Variants in IQCM observed in about 807,000 individuals in gnomAD.
The protein encoded by IQCM is IQ domain-containing protein M.
Under a neutral mutation model 57.6 loss-of-function variants are expected in IQCM, and 45 were observed. The ratio of observed to expected loss-of-function variants is 0.78; its 90% CI spans 0.62 to 1.00. IQCM has a LOEUF of 1.00. Ranked by LOEUF, IQCM falls within the 50% of genes least tolerant of loss-of-function variation. The pLI is 0.00. For synonymous variants in IQCM, 148 were observed against 158.9 expected, an observed-to-expected ratio of 0.93 and a Z score of 0.51; for missense variants, 468 against 511.6, an observed-to-expected ratio of 0.91 and a Z score of 0.82.
At chr4:149,460,243 A>G (rs959329272) in intron 12 of IQCM, among the ~76,000 whole-genome samples, 19 of 151,858 alleles carry the variant, frequency 1.3e-4, no homozygotes, top group African/African-American at 3.9e-4. Context: ...TAATCCAGTC[A>G]TTTTTCCATT....
intron 13 of IQCM, among the ~76,000 whole-genome samples, chr4:149,424,781 T>C (rs1437395191): frequency 6.6e-6 from 1 of 152,000 alleles, no homozygotes; most frequent in African/African-American, 2.4e-5. Context: ...ACATTTGCAT[T>C]GTTTCAACAT....
chr4:149,799,679 A>G (rs762348079), intron 2 of IQCM, among the ~76,000 whole-genome samples: 9 of 151,810 alleles, frequency 5.9e-5, no homozygotes, highest in Non-Finnish European at 1.2e-4. Flanking sequence ...TCAAAGGATC[A>G]TCAGTGGCTA....
intron 7 of IQCM, among the ~76,000 whole-genome samples, chr4:149,665,527 A>T (rs1199640788): frequency 6.6e-6 from 1 of 151,948 alleles, no homozygotes; most frequent in African/African-American, 2.4e-5. Context: ...TATCCAGCAA[A>T]CTTCCTCAGT....
chr4:149,589,727 T>C (rs1007371853), intron 8 of IQCM, among the ~76,000 whole-genome samples: 2 of 152,048 alleles, frequency 1.3e-5, no homozygotes, highest in African/African-American at 4.8e-5. Flanking sequence ...AATTCCCTGA[T>C]CATGTTTCCT....
At chr4:149,517,221 C>A (rs992847244) in intron 12 of IQCM, among the ~76,000 whole-genome samples, 1 of 151,708 alleles carries the variant, frequency 6.6e-6, no homozygotes, top group African/African-American at 2.4e-5. Flanking sequence ...CCAGCTATGA[C>A]CATGTAGCCA....
At chr4:149,799,162 G>GA (rs1429814963) in intron 2 of IQCM, among the ~76,000 whole-genome samples, 1 of 150,502 alleles carries the variant, frequency 6.6e-6, no homozygotes, top group African/African-American at 2.4e-5. Flanking sequence ...ATCCACAATG[G>GA]AAAAAAACTA....
chr4:149,574,334 T>C (rs977911552), intron 9 of IQCM, among the ~76,000 whole-genome samples: 2 of 151,894 alleles, frequency 1.3e-5, no homozygotes, highest in Non-Finnish European at 2.9e-5. Context: ...ATACAACTCT[T>C]AAAAAATCCT....
intron 12 of IQCM, among the ~76,000 whole-genome samples, chr4:149,476,418 A>G (rs1408727055): frequency 6.6e-6 from 1 of 152,208 alleles, no homozygotes; most frequent in Non-Finnish European, 1.5e-5. Context: ...ATTATCATAT[A>G]GGTAAGATGA....
At chr4:149,718,390 A>G (rs892105871) in intron 5 of IQCM, among the ~76,000 whole-genome samples, 1 of 152,214 alleles carries the variant, frequency 6.6e-6, no homozygotes, top group African/African-American at 2.4e-5. Flanking sequence ...GGCACAGACC[A>G]TGGTACACAG....
intron 13 of IQCM, chr4:149,430,066 C>T (rs1366095112): frequency 1.7e-6 from 2 of 1,191,890 alleles, no homozygotes; most frequent in Non-Finnish European, 2.1e-6. Context: ...GTTCTTAATT[C>T]ATCTTATTAA....
chr4:149,616,197 A>G (rs184332023), intron 8 of IQCM, among the ~76,000 whole-genome samples: 140 of 152,314 alleles, frequency 9.2e-4, no homozygotes, highest in South Asian at 7.7e-3. Context: ...GAAGCAACCC[A>G]AGTGTCCATT....
intron 13 of IQCM, among the ~76,000 whole-genome samples, chr4:149,404,195 T>C (rs1427892525): frequency 2.6e-5 from 4 of 152,000 alleles, no homozygotes; most frequent in East Asian, 3.9e-4. Flanking sequence ...CTCAGGTATG[T>C]ATCCAGATTT....
chr4:149,471,145 C>A lies in IQCM; in HGVS notation c.1229-37588G>T, dbSNP rs531990472. ...GAGCAGAACTGAAGGAGATAGAGAC[C>A]CAAAAAACCCTTCAAAAAATCAATG... On this transcript the variant is annotated intron_variant, in intron 12 of 13. Transcript: ENST00000636793. 4.6e-4 allele frequency among the ~76,000 whole-genome samples: 69 copies of A among 151,582 alleles called. 2 individuals are homozygous for A. Among genetic ancestry groups the A allele is most frequent in the African/African-American group, 1.6e-3 (65 of 41,366 alleles).
rs559250340 is a variant in IQCM, at chr4:149,368,817, T to C, written c.1391-16751A>G. On this transcript the variant is annotated intron_variant, in intron 13 of 13. Transcript: ENST00000636793. ...ATACATATATATACATGTATATATA[T>C]ACATATATATACATGTATATATATA... 1.8e-4 allele frequency among the ~76,000 whole-genome samples: 17 copies of C among 96,690 alleles called. 3 individuals are homozygous for C. In the East Asian group the frequency reaches 3.5e-3, roughly 20 times the overall value. The allele number at this position is 96,690 out of a possible 152,430, so 63.4% of individuals were successfully genotyped here. A position where few individuals can be genotyped will look rare whatever the true frequency, so the allele number is the denominator to read the frequency against.
intron 5 of IQCM, among the ~76,000 whole-genome samples, chr4:149,698,288 C>T (rs556182614): frequency 1.3e-5 from 2 of 152,032 alleles, no homozygotes; most frequent in Non-Finnish European, 2.9e-5. Flanking sequence ...TTCATAATCC[C>T]GTAATAGCAA....
At chr4:149,486,017 G>GTCTCTCTCTCTCTCTCTCTCTCTCTC (rs71596213) in intron 12 of IQCM, among the ~76,000 whole-genome samples, 13 of 121,690 alleles carry the variant, frequency 1.1e-4, no homozygotes, top group Non-Finnish European at 1.6e-4. Flanking sequence ...AGCAAACAGA[G>GTCTCTCTCTCTCTCTCTCTCTCTCTC]TCTCTCTCTC....
intron 5 of IQCM, among the ~76,000 whole-genome samples, chr4:149,697,533 G>A (rs1763433647): frequency 6.6e-6 from 1 of 152,084 alleles, no homozygotes; most frequent in Non-Finnish European, 1.5e-5. Flanking sequence ...GTCAGGACGT[G>A]CCATAAATCA....
chr4:149,537,229 A>C (rs777953994), intron 12 of IQCM, among the ~76,000 whole-genome samples: 1 of 151,896 alleles, frequency 6.6e-6, no homozygotes, highest in Non-Finnish European at 1.5e-5. Flanking sequence ...GAATTAAAGA[A>C]AAATGTGATA....
At chr4:149,541,076 T>C (rs2149876648) in intron 12 of IQCM, among the ~76,000 whole-genome samples, 1 of 152,284 alleles carries the variant, frequency 6.6e-6, no homozygotes, top group African/African-American at 2.4e-5. Flanking sequence ...TTAGAGTGCC[T>C]GTTCATGTGA....
Sources: gnomAD v4.1 joint callset for allele counts (sites outside exome capture counted in the v4.1 genomes callset) on GRCh38, gnomAD v4.1.1 for gene constraint, MANE v1.5 for transcripts, NCBI Gene and HGNC (gene_info 2026-07-23, HGNC 2026-07-21) for gene names.